IL2: variants seen among roughly 807,000 people sequenced by gnomAD.
IL2 encodes the protein interleukin 2.
A neutral mutation model predicts 14.6 loss-of-function variants in IL2; 3 were observed. The ratio of observed to expected loss-of-function variants is 0.21; its 90% CI spans 0.09 to 0.53. The LOEUF (loss-of-function observed/expected upper bound fraction) is 0.53. IL2 is among the 20% of genes least tolerant of loss of function. The pLI is 0.95. For synonymous variants in IL2, 71 were observed against 60.0 expected (o/e 1.18, Z -0.85); for missense variants, 125 against 170.8 (o/e 0.73, Z 1.50).
intron 3 of IL2, 105 bp downstream of exon 3, chr4:122,453,605 G>A: frequency 1.2e-6 from 1 of 863,686 alleles, no homozygotes; most frequent in Admixed American, 2.4e-5. Context: ...TACATGCATG[G>A]GTACTTTACA....
In IL2 at chr4:122,454,558, C is replaced by G. The variant is rs2069768; in HGVS notation, c.208-705G>C. 5.8e-3 allele frequency among the ~76,000 whole-genome samples: 880 copies of G among 151,514 alleles called. 4 individuals are homozygous for G. Among genetic ancestry groups the G allele is most frequent in the African/African-American group, 0.02 (836 of 41,390 alleles). On this transcript the variant is annotated intron_variant, in intron 2 of 3. Transcript: ENST00000226730. ...TATTACAATTTAAAAGAATTTTCTC[C>G]AAAATAGGCCCATTTACTTCTCACA...
At chr4:122,452,003 G>T in intron 3 of IL2, 141 bp from the exon 4 acceptor site, 1 of 383,302 alleles carries the variant, frequency 2.6e-6, no homozygotes, top group Non-Finnish European at 4.8e-6. Context: ...TTCTTGAAAT[G>T]ATCAAAATGA....
intron 3 of IL2, 148 bp from the exon 4 acceptor site, chr4:122,452,010 A>C: frequency 2.6e-6 from 1 of 381,034 alleles, no homozygotes; most frequent in Non-Finnish European, 4.8e-6. Context: ...AATGATCAAA[A>C]TGAATGCCAA....
At position 122,453,745 on chromosome 4, in the gene IL2, T is replaced by C. The variant is rs746832307; in HGVS notation, c.316A>G (p.Ile106Val). 1 of 1,611,550 alleles carries C rather than the reference T, an allele frequency of 6.2e-7. No individual in the cohort carries two copies. The highest frequency in any genetic ancestry group is 8.5e-7 in the Non-Finnish European group (1 of 1,178,364). Residue 106 changes from isoleucine to valine, a missense_variant, in exon 3 of 4, where the codon ATC (isoleucine) becomes GTC (valine). By Grantham distance (29) the Ile-to-Val change is conservative. Coordinates refer to ENST00000226730, the MANE Select transcript of IL2 (RefSeq NM_000586.4). ...KNFHLRPRDLISNINVIVLEL... is the reference protein window; with the variant it reads ...KNFHLRPRDLVSNINVIVLEL... ...AGAACTATTACGTTGATATTGCTGA[T>C]TAAGTCCCTGGGTCTTAAGTGAAAG...
chr4:122,452,210 A>G (rs1430575104), intron 3 of IL2, among the ~76,000 whole-genome samples: 3 of 152,088 alleles, frequency 2.0e-5, no homozygotes, highest in Non-Finnish European at 4.4e-5. Context: ...TTTCCTCTGA[A>G]TGTACACCTA....
chr4:122,451,722 G>A lies in IL2; in HGVS notation c.*30C>T. The A allele has an allele frequency of 6.8e-6, 6 of 885,212 alleles. No homozygotes were observed. The highest frequency in any genetic ancestry group is 8.5e-6 in the Non-Finnish European group (5 of 590,214). 54.8% of individuals were successfully genotyped at this position (885,212 alleles called of 1,614,324 possible). A position where few individuals can be genotyped will look rare whatever the true frequency, so the allele number is the denominator to read the frequency against. ...AAATATTTAAATAAATAGAAGGCCTGATATGTTTTAAGTGGGAAGCACTTA... is the reference window on the plus strand; with the variant it reads ...AAATATTTAAATAAATAGAAGGCCTAATATGTTTTAAGTGGGAAGCACTTA... On this transcript the variant is annotated 3_prime_UTR_variant, in exon 4 of 4. Coordinates refer to ENST00000226730, the MANE Select transcript of IL2 (RefSeq NM_000586.4).
At position 122,456,174 on chromosome 4, in the gene IL2, C is replaced by T; in HGVS notation, c.177G>A (p.Met59Ile). The T allele has an allele frequency of 6.2e-7, 1 of 1,608,458 alleles. No homozygotes were observed. Among genetic ancestry groups the T allele is most frequent in the Non-Finnish European group, 8.5e-7 (1 of 1,175,772 alleles). The change falls in exon 2 of 4, where the codon ATG becomes ATA. Residue 59 changes from methionine (M) to isoleucine (I), a missense_variant. Transcript: ENST00000226730. ...NNYKNPKLTR[M>I]LTFKFYMPKK... Reference sequence around the variant, plus strand: ...TGGGCATGTAAAACTTAAATGTGAGCATCCTGGTGAGTTTGGGATTCTTGT... The same window carrying T: ...TGGGCATGTAAAACTTAAATGTGAGTATCCTGGTGAGTTTGGGATTCTTGT...
At chr4:122,455,919 T>C (rs575163181) in intron 2 of IL2, among the ~76,000 whole-genome samples, 1 of 151,994 alleles carries the variant, frequency 6.6e-6, no homozygotes, top group African/African-American at 2.4e-5. Flanking sequence ...AGTGAGAATA[T>C]TATTTTTATG....
Position 122,453,795 on chromosome 4 carries a change from A to G in IL2, c.266T>C (p.Val89Ala). 2 of 1,611,676 alleles carry G rather than the reference A, an allele frequency of 1.2e-6. No individual in the cohort carries two copies. The highest frequency in any genetic ancestry group is 1.7e-4 in the Middle Eastern group (1 of 6,054). The change falls in exon 3 of 4, where the codon GTG becomes GCG. Residue 89 changes from valine to alanine, a missense_variant. Coordinates refer to ENST00000226730, the MANE Select transcript of IL2 (RefSeq NM_000586.4). ...GTTTTTGCTTTGAGCTAAATTTAGC[A>G]CTTCCTCCAGAGGTTTGAGTTCTTC... ...LEEELKPLEE[V>A]LNLAQSKNFH...
chr4:122,451,594 C>A lies in IL2; in HGVS notation c.*158G>T. On this transcript the variant is annotated 3_prime_UTR_variant, in exon 4 of 4. Coordinates refer to ENST00000226730, the MANE Select transcript of IL2 (RefSeq NM_000586.4). ...TGAAACCATTTTAGAGCCCCTAGGG[C>A]TTACAAAAAGAATCATAAAAGATCC... The A allele has an allele frequency of 2.7e-6, 1 of 369,738 alleles. No individual in the cohort carries two copies. Among genetic ancestry groups the A allele is most frequent in the Non-Finnish European group, 4.9e-6 (1 of 202,706 alleles). 22.9% of individuals were successfully genotyped at this position (369,738 alleles called of 1,614,324 possible). A position where few individuals can be genotyped will look rare whatever the true frequency, so the allele number is the denominator to read the frequency against.
At chr4:122,455,924 T>G (rs1797725785) in intron 2 of IL2, among the ~76,000 whole-genome samples, 1 of 151,886 alleles carries the variant, frequency 6.6e-6, no homozygotes, top group Admixed American at 6.6e-5. Flanking sequence ...GAATATTATT[T>G]TTATGTTTTC....
At chr4:122,452,538 G>T (rs1797686821) in intron 3 of IL2, among the ~76,000 whole-genome samples, 1 of 151,988 alleles carries the variant, frequency 6.6e-6, no homozygotes, top group South Asian at 2.1e-4. Context: ...CTTCTCTGCT[G>T]AAAGGAGCTA....
At chr4:122,453,427 A>T (rs1475885833) in intron 3 of IL2, among the ~76,000 whole-genome samples, 1 of 151,862 alleles carries the variant, frequency 6.6e-6, no homozygotes, top group Non-Finnish European at 1.5e-5. Context: ...TCAACTCAGT[A>T]CCTTCTCTCA....
rs1310735762 is a variant in IL2, at chr4:122,451,526, A to T, written c.*226T>A. 3.8e-6 allele frequency: 1 copy of T among 263,308 alleles called. No individual in the cohort carries two copies. The highest frequency in any genetic ancestry group is 1.6e-4 in the South Asian group (1 of 6,218). 16.3% of individuals were successfully genotyped at this position (263,308 alleles called of 1,614,324 possible). On this transcript the variant is annotated 3_prime_UTR_variant, in exon 4 of 4. Coordinates refer to ENST00000226730, the MANE Select transcript of IL2 (RefSeq NM_000586.4). ...ACTAACCAATCTACATAGATACTAT[A>T]TTTAACATTCAACATAATAATAAAT...
chr4:122,453,113 A>T (rs1301251107), intron 3 of IL2, among the ~76,000 whole-genome samples: 1 of 151,964 alleles, frequency 6.6e-6, no homozygotes, highest in Non-Finnish European at 1.5e-5. Flanking sequence ...AAAAAGACAA[A>T]AGTGAATCTC....
intron 3 of IL2, 103 bp from the exon 4 acceptor site, chr4:122,451,965 C>A (rs998347437): frequency 7.2e-6 from 3 of 417,342 alleles, no homozygotes; most frequent in South Asian, 1.1e-4. Context: ...TATTTTCAAG[C>A]TTACCAAACA....
At chr4:122,452,517 T>C (rs1797686689) in intron 3 of IL2, among the ~76,000 whole-genome samples, 1 of 152,058 alleles carries the variant, frequency 6.6e-6, no homozygotes, top group African/African-American at 2.4e-5. Context: ...ACTGGCTTTT[T>C]AGAAATTAGG....
In IL2 at chr4:122,456,146, T is replaced by C. The variant is rs771093163; in HGVS notation, c.205A>G (p.Lys69Glu). 6.3e-7 allele frequency: 1 copy of C among 1,597,828 alleles called. No individual in the cohort carries two copies. The highest frequency in any genetic ancestry group is 8.6e-7 in the Non-Finnish European group (1 of 1,166,654). Residue 69 changes from lysine to glutamate, a missense_variant and splice_region_variant, in exon 2 of 4, where the codon AAG becomes GAG. By Grantham distance (56) the Lys-to-Glu change is moderately conservative. Transcript: ENST00000226730. ...MLTFKFYMPKKATELKHLQCL... is the reference protein window; with the variant it reads ...MLTFKFYMPKEATELKHLQCL... The stretch of plus-strand genomic sequence containing the variant: ...TGAACATAAAATATTGTACTTACCT[T>C]CTTGGGCATGTAAAACTTAAATGTG...
At chr4:122,454,663 A>C (rs1797712209) in intron 2 of IL2, among the ~76,000 whole-genome samples, 1 of 151,884 alleles carries the variant, frequency 6.6e-6, no homozygotes, top group Non-Finnish European at 1.5e-5. Flanking sequence ...TGACCACATA[A>C]GTAGGTAGAG....
Sources: allele counts gnomAD v4.1 joint callset (sites outside exome capture counted in the v4.1 genomes callset), GRCh38; gene constraint gnomAD v4.1.1; transcripts MANE v1.5; gene names NCBI Gene and HGNC (gene_info 2026-07-23, HGNC 2026-07-21).